Variants in PLCB1 observed in about 807,000 individuals in gnomAD.
PLCB1 encodes 1-phosphatidylinositol 4,5-bisphosphate phosphodiesterase beta-1.
Under a neutral mutation model 161.8 loss-of-function variants are expected in PLCB1, and 46 were observed. That is an observed-to-expected ratio of 0.28 (90% CI 0.22 to 0.36). PLCB1 has a LOEUF of 0.36. Ranked by LOEUF, PLCB1 falls within the 10% of genes least tolerant of loss-of-function variation. The pLI is 1.00. For synonymous variants in PLCB1, 517 were observed against 503.7 expected (o/e 1.03, Z -0.35); for missense variants, 1,016 against 1,472.5 (o/e 0.69, Z 5.07).
intron 11 of PLCB1, among the ~76,000 whole-genome samples, chr20:8,702,174 A>C (rs1312139473): frequency 6.6e-6 from 1 of 152,170 alleles, no homozygotes; most frequent in Non-Finnish European, 1.5e-5. Context: ...TCCTTTATGA[A>C]GGGCTTTTTG....
chr20:8,614,584 C>CTG (rs71331317), intron 3 of PLCB1, among the ~76,000 whole-genome samples: 7,209 of 147,132 alleles, frequency 0.049, 175 homozygotes, highest in Admixed American at 0.077. Context: ...ATGTAAAATT[C>CTG]TGTGTGTGTG....
intron 31 of PLCB1, 68 bp from the exon 32 acceptor site, chr20:8,881,554 A>T: frequency 8.9e-7 from 1 of 1,119,892 alleles, no homozygotes; most frequent in Non-Finnish European, 1.3e-6. Context: ...TCTTTCAGAG[A>T]GTTTCTATGG....
At chr20:8,864,623 AATC>A (rs1477070373) in intron 31 of PLCB1, among the ~76,000 whole-genome samples, 23 of 152,320 alleles carry the variant, frequency 1.5e-4, no homozygotes, top group Middle Eastern at 3.4e-3. Flanking sequence ...ATGAGCCATG[AATC>A]AGTGGTATTG....
chr20:8,872,513 G>A (rs1987641665), intron 31 of PLCB1, among the ~76,000 whole-genome samples: 1 of 152,172 alleles, frequency 6.6e-6, no homozygotes, highest in Admixed American at 6.5e-5. Flanking sequence ...GGAGTTGTTT[G>A]TCTATAGGTG....
chr20:8,523,765 T>G (rs140130543), intron 3 of PLCB1, among the ~76,000 whole-genome samples: 3 of 151,526 alleles, frequency 2.0e-5, no homozygotes, highest in Non-Finnish European at 4.4e-5. Flanking sequence ...ACTCAGATCA[T>G]TGCGCATTGG....
chr20:8,855,021 A>G (rs762009159), intron 31 of PLCB1, among the ~76,000 whole-genome samples: 2 of 152,262 alleles, frequency 1.3e-5, no homozygotes, highest in Non-Finnish European at 1.5e-5. Flanking sequence ...TAAACGATGT[A>G]TGCACAATGA....
rs552648570 is a variant in PLCB1, at chr20:8,319,540, G to A, written c.178-51842G>A. Reference sequence around the variant, plus strand: ...TTCTTGGCAAAGAAAAAAAAAAATTGCAAAGCTAGCTAGAATGAAGACTCC... The same window carrying A: ...TTCTTGGCAAAGAAAAAAAAAAATTACAAAGCTAGCTAGAATGAAGACTCC... On this transcript the variant is annotated intron_variant, in intron 2 of 31. Coordinates refer to ENST00000338037, the MANE Select transcript of PLCB1 (RefSeq NM_015192.4). Among the ~76,000 whole-genome samples the A allele has an allele frequency of 2.0e-5, 3 of 151,822 alleles. No individual in the cohort carries two copies. In the East Asian group the frequency reaches 5.8e-4, roughly 29 times the overall value.
At chr20:8,330,261 G>T (rs2122188828) in intron 2 of PLCB1, among the ~76,000 whole-genome samples, 1 of 152,292 alleles carries the variant, frequency 6.6e-6, no homozygotes, top group Non-Finnish European at 1.5e-5. Flanking sequence ...GTAGAGAGCA[G>T]ATATTACTCT....
chr20:8,507,700 G>C (rs772694084), intron 3 of PLCB1, among the ~76,000 whole-genome samples: 1 of 152,174 alleles, frequency 6.6e-6, no homozygotes, highest in Non-Finnish European at 1.5e-5. Flanking sequence ...CTTCATGGTG[G>C]TAGGCCCAGG....
chr20:8,308,911 CAT>C (rs1555797147), intron 2 of PLCB1, among the ~76,000 whole-genome samples: 3 of 151,852 alleles, frequency 2.0e-5, no homozygotes, highest in Non-Finnish European at 4.4e-5. Context: ...GATAGGGACT[CAT>C]AGATTTTTTT....
At position 8,872,204 on chromosome 20, in the gene PLCB1, A is replaced by T. The variant is rs1385392153; in HGVS notation, c.3424-9418A>T. ...ATATTATTTTGAAGCAAATATAATT[A>T]TTTAGGAAAATCTACCCAAAATATA... is the stretch of plus-strand genomic sequence containing the variant. On this transcript the variant is annotated intron_variant, in intron 31 of 31. Coordinates refer to ENST00000338037, the MANE Select transcript of PLCB1 (RefSeq NM_015192.4). Among the ~76,000 whole-genome samples, 4 of 152,200 alleles carry T rather than the reference A, an allele frequency of 2.6e-5. No individual in the cohort carries two copies. In the East Asian group the frequency reaches 7.7e-4, roughly 29 times the overall value.
rs984024766 is a variant in PLCB1 at position 8,882,896 on chromosome 20, TAC to T, written c.*1055_*1056del. On this transcript the variant is annotated 3_prime_UTR_variant, in exon 32 of 32. Coordinates refer to ENST00000338037, the MANE Select transcript of PLCB1 (RefSeq NM_015192.4). ...TTAGTCATGTAAGTGCATATACACA[TAC>T]ACACACATGAGTGTAGACATGTGTT... The T allele has an allele frequency of 3.3e-5, 5 of 152,644 alleles. No homozygotes were observed. The highest frequency in any genetic ancestry group is 4.4e-5 in the Non-Finnish European group (3 of 68,040). 9.5% of individuals were successfully genotyped at this position (152,644 alleles called of 1,614,324 possible). A position where few individuals can be genotyped will look rare whatever the true frequency, so the allele number is the denominator to read the frequency against.
chr20:8,142,408 G>A (rs1159757462), intron 1 of PLCB1, among the ~76,000 whole-genome samples: 1 of 152,190 alleles, frequency 6.6e-6, no homozygotes, highest in Non-Finnish European at 1.5e-5. Context: ...ATGTGTGTTT[G>A]AGAAGGAAAC....
intron 3 of PLCB1, among the ~76,000 whole-genome samples, chr20:8,422,857 G>T (rs1487817454): frequency 1.3e-5 from 2 of 152,122 alleles, no homozygotes; most frequent in Non-Finnish European, 2.9e-5. Context: ...TCTGAGCCTA[G>T]TTCCCAGTGA....
chr20:8,403,217 C>G (rs1177920889), intron 3 of PLCB1, among the ~76,000 whole-genome samples: 1 of 152,076 alleles, frequency 6.6e-6, no homozygotes, highest in Non-Finnish European at 1.5e-5. Flanking sequence ...GAAACCCTCC[C>G]TCCTCAGCCC....
intron 3 of PLCB1, among the ~76,000 whole-genome samples, chr20:8,575,298 T>A (rs1986641820): frequency 6.6e-6 from 1 of 152,222 alleles, no homozygotes; most frequent in Non-Finnish European, 1.5e-5. Flanking sequence ...TAGCTTATAC[T>A]TAGCCCCAGC....
intron 2 of PLCB1, among the ~76,000 whole-genome samples, chr20:8,273,666 C>G (rs1186143936): frequency 6.6e-6 from 1 of 152,150 alleles, no homozygotes; most frequent in Non-Finnish European, 1.5e-5. Flanking sequence ...CAAAGCTCCT[C>G]TGGAATATTG....
At chr20:8,238,867 G>GT (rs979221111) in intron 2 of PLCB1, among the ~76,000 whole-genome samples, 2 of 150,246 alleles carry the variant, frequency 1.3e-5, no homozygotes, top group Non-Finnish European at 1.5e-5. Flanking sequence ...ATGGGTGGCT[G>GT]GGGGGAAGAC....
chr20:8,406,411 T>C (rs189051402), intron 3 of PLCB1, among the ~76,000 whole-genome samples: 4 of 152,372 alleles, frequency 2.6e-5, no homozygotes, highest in African/African-American at 9.6e-5. Context: ...CATTAAAATA[T>C]GGCATATGCA....
Sources: gnomAD v4.1 joint callset for allele counts (sites outside exome capture counted in the v4.1 genomes callset) on GRCh38, gnomAD v4.1.1 for gene constraint, MANE v1.5 for transcripts, NCBI Gene and HGNC (gene_info 2026-07-23, HGNC 2026-07-21) for gene names.